ARL6IP5: variants seen among roughly 807,000 people sequenced by gnomAD.
ARL6IP5 encodes ARF like GTPase 6 interacting protein 5.
A neutral mutation model predicts 13.0 loss-of-function variants in ARL6IP5; 6 were observed. The ratio of observed to expected loss-of-function variants is 0.46; its 90% CI spans 0.25 to 0.91. The LOEUF (loss-of-function observed/expected upper bound fraction) is 0.91. Among genes scored for constraint, ARL6IP5 ranks in the 40% least tolerant of loss-of-function variants. The probability of loss-of-function intolerance (pLI) is 0.17; values close to 1 mark genes in which losing one functional copy is unlikely to be tolerated. For synonymous variants in ARL6IP5, 91 were observed against 91.9 expected, an observed-to-expected ratio of 0.99 and a Z score of 0.06; for missense variants, 208 against 248.8, an observed-to-expected ratio of 0.84 and a Z score of 1.10.
At chr3:69,089,637 TA>T (rs35599045) in intron 1 of ARL6IP5, among the ~76,000 whole-genome samples, 202 of 132,440 alleles carry the variant, frequency 1.5e-3, no homozygotes, top group African/African-American at 1.9e-3. Context: ...AAACCCTGTC[TA>T]AAAAAAAAAA....
Position 69,085,221 on chromosome 3 carries a change from G to A in ARL6IP5, c.174G>A (p.Val58=), listed in dbSNP as rs376728432. 3 of 1,611,146 alleles carry A rather than the reference G, an allele frequency of 1.9e-6. No individual in the cohort carries two copies. The highest frequency in any genetic ancestry group is 1.3e-5 in the African/African-American group (1 of 74,878). Residue 58 remains valine, a splice_region_variant and synonymous_variant, in exon 1 of 3, where the codon GTG becomes GTA. Transcript: ENST00000273258. ...LVVAAMMISI[V]GFLSPFNMIL... is the part of the protein sequence containing the mutation. ...TGGCTGCCATGATGATTTCCATTGT[G>A]GGGTAAGTGGGGTCCCCCTACCCGG...
intron 1 of ARL6IP5, among the ~76,000 whole-genome samples, chr3:69,088,481 G>C (rs930860471): frequency 3.9e-5 from 6 of 152,180 alleles, no homozygotes; most frequent in African/African-American, 7.2e-5. Context: ...CTTAGATGAG[G>C]ATAGAGAGGG....
intron 1 of ARL6IP5, among the ~76,000 whole-genome samples, chr3:69,086,449 C>G (rs1484860513): frequency 2.0e-5 from 3 of 152,224 alleles, no homozygotes; most frequent in Non-Finnish European, 4.4e-5. Flanking sequence ...GCAATCACCC[C>G]CATGCAGAGG....
intron 1 of ARL6IP5, among the ~76,000 whole-genome samples, chr3:69,095,544 C>T (rs1446961033): frequency 4.0e-5 from 6 of 150,558 alleles, no homozygotes; most frequent in East Asian, 2.0e-4. Context: ...CTGTCACCCA[C>T]GCTGGAGTGG....
At chr3:69,085,747 G>A (rs1054425413) in intron 1 of ARL6IP5, among the ~76,000 whole-genome samples, 5 of 151,904 alleles carry the variant, frequency 3.3e-5, no homozygotes, top group African/African-American at 1.2e-4. Context: ...GGGATCAAAA[G>A]GGGGGGTGTC....
chr3:69,103,231 T>A (rs981396434), intron 2 of ARL6IP5, among the ~76,000 whole-genome samples: 5 of 152,214 alleles, frequency 3.3e-5, no homozygotes, highest in Non-Finnish European at 5.9e-5. Flanking sequence ...ATCAAACAGC[T>A]TGCTAATTTT....
chr3:69,093,921 T>G (rs1276853057), intron 1 of ARL6IP5, among the ~76,000 whole-genome samples: 1 of 152,114 alleles, frequency 6.6e-6, no homozygotes, highest in Non-Finnish European at 1.5e-5. Context: ...GCCATCATAC[T>G]CCAGCTTGAG....
chr3:69,104,862 C>A lies in ARL6IP5; in HGVS notation c.*226C>A, dbSNP rs1165220575. On this transcript the variant is annotated 3_prime_UTR_variant, in exon 3 of 3. Transcript: ENST00000273258. ...CCCTCCTATTGTGTCTGAAGTTTCACGTGTGTTTATGAAATCTAATGGGAA... is the reference window on the plus strand; with the variant it reads ...CCCTCCTATTGTGTCTGAAGTTTCAAGTGTGTTTATGAAATCTAATGGGAA... The A allele has an allele frequency of 2.8e-6, 2 of 705,086 alleles. No homozygotes were observed. The highest frequency in any genetic ancestry group is 5.2e-6 in the Non-Finnish European group (2 of 387,468). 43.7% of individuals were successfully genotyped at this position (705,086 alleles called of 1,614,324 possible).
chr3:69,093,887 G>A (rs1180325769), intron 1 of ARL6IP5, among the ~76,000 whole-genome samples: 1 of 152,158 alleles, frequency 6.6e-6, no homozygotes, highest in Non-Finnish European at 1.5e-5. Context: ...GTGGGAGAAA[G>A]AGGCTGCAGT....
At chr3:69,094,624 G>T (rs1313053436) in intron 1 of ARL6IP5, among the ~76,000 whole-genome samples, 1 of 152,140 alleles carries the variant, frequency 6.6e-6, no homozygotes, top group Admixed American at 6.5e-5. Context: ...CTAGAAAATT[G>T]GAACTCAGTG....
rs752158098 is a variant in ARL6IP5 at position 69,104,618 on chromosome 3, C to G, written c.549C>G (p.Ile183Met). The G allele has an allele frequency of 1.9e-6, 3 of 1,613,200 alleles. No individual in the cohort carries two copies. In the South Asian group the frequency reaches 3.3e-5, roughly 18 times the overall value. Residue 183 changes from isoleucine (I) to methionine (M), a missense_variant, in exon 3 of 3, where the codon ATC (isoleucine) becomes ATG (methionine). Transcript: ENST00000273258. Reference protein sequence around the residue: ...EEGINRLTDYISKVKE With the variant: ...EEGINRLTDYMSKVKE Reference sequence around the variant, plus strand: ...GCATCAACAGACTCACTGACTATATCAGCAAAGTGAAGGAATAAACATAAC... The same window carrying G: ...GCATCAACAGACTCACTGACTATATGAGCAAAGTGAAGGAATAAACATAAC...
At chr3:69,092,027 G>A (rs746469887) in intron 1 of ARL6IP5, among the ~76,000 whole-genome samples, 5 of 151,866 alleles carry the variant, frequency 3.3e-5, no homozygotes, top group South Asian at 2.1e-4. Flanking sequence ...TGAAATGAGC[G>A]TGGCTTCCTG....
At chr3:69,091,137 G>A (rs1044443059) in intron 1 of ARL6IP5, among the ~76,000 whole-genome samples, 4 of 152,144 alleles carry the variant, frequency 2.6e-5, no homozygotes, top group African/African-American at 9.7e-5. Flanking sequence ...GGCGGAGGTT[G>A]CAATGAGCCA....
At chr3:69,091,713 T>G (rs1029128640) in intron 1 of ARL6IP5, among the ~76,000 whole-genome samples, 10 of 151,226 alleles carry the variant, frequency 6.6e-5, no homozygotes, top group Non-Finnish European at 1.2e-4. Context: ...GTTGGTAGTT[T>G]CTGTTTCCTT....
chr3:69,085,103 A>T lies in ARL6IP5; in HGVS notation c.56A>T (p.Asp19Val). The T allele has an allele frequency of 6.2e-7, 1 of 1,614,162 alleles. No individual in the cohort carries two copies. The highest frequency in any genetic ancestry group is 8.5e-7 in the Non-Finnish European group (1 of 1,180,014). ...RAWDDFFPGSDRFARPDFRDI... is the reference protein window; with the variant it reads ...RAWDDFFPGSVRFARPDFRDI... Reference sequence around the variant, plus strand: ...TGGGACGATTTCTTCCCGGGTTCCGATCGCTTTGCCCGGCCGGACTTCAGG... The same window carrying T: ...TGGGACGATTTCTTCCCGGGTTCCGTTCGCTTTGCCCGGCCGGACTTCAGG... The change falls in exon 1 of 3, where the codon GAT becomes GTT. Residue 19 changes from aspartate to valine, a missense_variant. By Grantham distance (152) the Asp-to-Val change is radical. Transcript: ENST00000273258.
At chr3:69,098,525 A>G (rs1008798190) in intron 1 of ARL6IP5, among the ~76,000 whole-genome samples, 2 of 151,874 alleles carry the variant, frequency 1.3e-5, no homozygotes, top group African/African-American at 4.8e-5. Flanking sequence ...GATTACAGAC[A>G]TGAGCCACCA....
intron 1 of ARL6IP5, among the ~76,000 whole-genome samples, chr3:69,093,773 A>G (rs961267211): frequency 1.4e-3 from 34 of 24,800 alleles, no homozygotes; most frequent in African/African-American, 3.1e-3. Context: ...AAAAAAAAAA[A>G]AAAGAAAAGA....
chr3:69,095,373 A>G (rs1205006828), intron 1 of ARL6IP5, among the ~76,000 whole-genome samples: 2 of 151,624 alleles, frequency 1.3e-5, no homozygotes, highest in East Asian at 3.9e-4. Flanking sequence ...TATTTTAAAT[A>G]TATATAATTA....
At chr3:69,101,606 C>G (rs1463907729) in intron 1 of ARL6IP5, among the ~76,000 whole-genome samples, 3 of 152,128 alleles carry the variant, frequency 2.0e-5, no homozygotes, top group African/African-American at 7.2e-5. Context: ...TAGGTGTGAA[C>G]TACCATTCCT....
Sources: allele counts gnomAD v4.1 joint callset (sites outside exome capture counted in the v4.1 genomes callset), GRCh38; gene constraint gnomAD v4.1.1; transcripts MANE v1.5; gene names NCBI Gene and HGNC (gene_info 2026-07-23, HGNC 2026-07-21).